The following PCDH15 variants were observed in gnomAD, a reference collection of about 807,000 sequenced individuals.
PCDH15 encodes protocadherin-15.
PCDH15 carries 129 observed loss-of-function variants against 178.5 expected under a neutral mutation model. The ratio of observed to expected loss-of-function variants is 0.72; its 90% CI spans 0.63 to 0.84. PCDH15 has a LOEUF of 0.84. Among genes scored for constraint, PCDH15 ranks in the 40% least tolerant of loss-of-function variants. The pLI is 0.00. For missense variants in PCDH15, 2,230 were observed against 2,099.9 expected (o/e 1.06, Z -1.21); for synonymous variants, 800 against 732.0 (o/e 1.09, Z -1.50).
intron 21 of PCDH15, among the ~76,000 whole-genome samples, chr10:53,991,403 T>C (rs1333872410): frequency 2.0e-5 from 3 of 152,020 alleles, no homozygotes; most frequent in African/African-American, 4.8e-5. Context: ...GTTAATCTGG[T>C]GGGGACTTGG....
At chr10:54,970,204 T>G (rs1838897066) in intron 2 of PCDH15, among the ~76,000 whole-genome samples, 1 of 152,214 alleles carries the variant, frequency 6.6e-6, no homozygotes, top group African/African-American at 2.4e-5. Context: ...TCTTGGATGT[T>G]CAGCCTCCAG....
chr10:54,869,845 A>G (rs1954004533), intron 3 of PCDH15, among the ~76,000 whole-genome samples: 1 of 152,200 alleles, frequency 6.6e-6, no homozygotes, highest in Non-Finnish European at 1.5e-5. Context: ...ACATAAGCAC[A>G]CTGCTTTAAA....
chr10:55,544,906 A>G (rs1841844978), intron 2 of PCDH15, among the ~76,000 whole-genome samples: 1 of 152,172 alleles, frequency 6.6e-6, no homozygotes, highest in South Asian at 2.1e-4. Context: ...GCTCTAACAC[A>G]ATAAGAAGTA....
intron 1 of PCDH15, among the ~76,000 whole-genome samples, chr10:54,690,919 A>C (rs1165140931): frequency 6.6e-6 from 1 of 152,124 alleles, no homozygotes. Flanking sequence ...ACTTGGCTGA[A>C]TATGAGACAG....
chr10:54,774,694 T>C (rs1477460723), intron 1 of PCDH15, among the ~76,000 whole-genome samples: 1 of 152,190 alleles, frequency 6.6e-6, no homozygotes, highest in Non-Finnish European at 1.5e-5. Context: ...ATTATTTTCA[T>C]TTAAATTCCA....
rs564056382 is a variant in PCDH15 at position 54,898,481 on chromosome 10, A to T, written c.-79-981T>A. On this transcript the variant is annotated intron_variant, in intron 2 of 5. Coordinates refer to the PCDH15 transcript ENST00000458638. ...GAAGATAATTAAGGAATATTCCAGG[A>T]TGATAATCACACTATATTTTATTTA... Among the ~76,000 whole-genome samples, 81 of 152,278 alleles carry T rather than the reference A, an allele frequency of 5.3e-4. 2 individuals are homozygous for T. The highest frequency in any genetic ancestry group is 3.4e-3 in the Middle Eastern group (1 of 292).
chr10:54,689,410 CCAGT>C (rs1481574179), intron 1 of PCDH15, among the ~76,000 whole-genome samples: 3 of 152,072 alleles, frequency 2.0e-5, no homozygotes, highest in Non-Finnish European at 2.9e-5. Flanking sequence ...GATCTCCAAA[CCAGT>C]CAATTATTAT....
intron 2 of PCDH15, among the ~76,000 whole-genome samples, chr10:54,603,529 TAACA>T (rs756900734): frequency 1.3e-4 from 19 of 151,662 alleles, no homozygotes; most frequent in Non-Finnish European, 2.4e-4. Flanking sequence ...TAATAGGTAT[TAACA>T]AACAGAAGCC....
rs1555032911 is a variant in PCDH15 at position 54,527,820 on chromosome 10, C to T, written c.149G>A (p.Ser50Asn). 6.2e-7 allele frequency: 1 copy of T among 1,609,730 alleles called. No homozygotes were observed. The change falls in exon 3 of 38, where the codon AGT becomes AAT. Residue 50 changes from serine (S) to asparagine (N), a missense_variant. Transcript: ENST00000644397. ...PATIVAIDEE[S>N]RNGTILVDNM... ...ATAAAAAACTCACTTACCATTCCGA[C>T]TTTCTTCATCAATAGCAACTATGGT... is the stretch of plus-strand genomic sequence containing the variant.
At chr10:54,446,449 T>A (rs2076146168) in intron 3 of PCDH15, among the ~76,000 whole-genome samples, 1 of 151,716 alleles carries the variant, frequency 6.6e-6, no homozygotes, top group African/African-American at 2.4e-5. Context: ...TACTGTTGAT[T>A]CGGTTTTTTG....
intron 2 of PCDH15, chr10:54,600,807 A>G: frequency 1.0e-5 from 4 of 388,784 alleles, no homozygotes; most frequent in South Asian, 6.3e-5. Flanking sequence ...TTTGTGCAAT[A>G]TGAGGAGACT....
chr10:54,091,407 G>A (rs1157756149), intron 15 of PCDH15, among the ~76,000 whole-genome samples: 1 of 152,148 alleles, frequency 6.6e-6, no homozygotes, highest in Non-Finnish European at 1.5e-5. Flanking sequence ...AACTGTCCCA[G>A]CCATAAGAGG....
At chr10:54,416,811 G>A (rs1288255907) in intron 3 of PCDH15, among the ~76,000 whole-genome samples, 7 of 152,016 alleles carry the variant, frequency 4.6e-5, no homozygotes, top group Admixed American at 1.3e-4. Flanking sequence ...TTTAATAGTC[G>A]CTATTCTGAC....
At chr10:54,727,868 C>T (rs1357995964) in intron 1 of PCDH15, among the ~76,000 whole-genome samples, 2 of 151,400 alleles carry the variant, frequency 1.3e-5, no homozygotes, top group Non-Finnish European at 3.0e-5. Flanking sequence ...CACACAACCT[C>T]CTAAGATTGA....
intron 4 of PCDH15, among the ~76,000 whole-genome samples, chr10:54,372,372 A>T (rs4316429): frequency 0.16 from 24,764 of 151,718 alleles, 2,479 homozygotes; most frequent in African/African-American, 0.28. Context: ...CACCTGGAAC[A>T]GTTATCACTC....
intron 3 of PCDH15, among the ~76,000 whole-genome samples, chr10:54,884,133 T>A (rs1222128457): frequency 6.6e-6 from 1 of 151,984 alleles, no homozygotes; most frequent in Non-Finnish European, 1.5e-5. Context: ...CAGCCGGGTA[T>A]CAGAGTAACA....
chr10:54,709,916 TGTAA>T (rs1038775457), intron 1 of PCDH15, among the ~76,000 whole-genome samples: 23 of 148,380 alleles, frequency 1.6e-4, no homozygotes, highest in African/African-American at 2.7e-4. Flanking sequence ...TGTATATGTG[TGTAA>T]GTGTTTTTTA....
chr10:55,535,646 TAGA>T (rs1841561060), intron 2 of PCDH15, among the ~76,000 whole-genome samples: 1 of 151,992 alleles, frequency 6.6e-6, no homozygotes, highest in Non-Finnish European at 1.5e-5. Context: ...AATAATCAAT[TAGA>T]AGAAGGCAAA....
At chr10:55,578,422 T>C (rs889393557) in intron 2 of PCDH15, among the ~76,000 whole-genome samples, 11 of 152,042 alleles carry the variant, frequency 7.2e-5, no homozygotes, top group African/African-American at 1.4e-4. Flanking sequence ...GGTTTCACCA[T>C]GTTAGCCAGG....
Sources: gnomAD v4.1 joint callset for allele counts (sites outside exome capture counted in the v4.1 genomes callset) on GRCh38, gnomAD v4.1.1 for gene constraint, MANE v1.5 for transcripts, NCBI Gene and HGNC (gene_info 2026-07-23, HGNC 2026-07-21) for gene names.